Variants in NBAS observed in about 807,000 individuals in gnomAD.
The protein encoded by NBAS is NAG/BC035112 fusion.
In NBAS, 219 loss-of-function variants were observed where a neutral mutation model predicts 302.5. That is an observed-to-expected ratio of 0.72 (90% CI 0.65 to 0.81). The LOEUF (loss-of-function observed/expected upper bound fraction) is 0.81. NBAS is among the 30% of genes least tolerant of loss of function. NBAS has a pLI of 0.00. For synonymous variants in NBAS, 1,118 were observed against 1,021.6 expected, an observed-to-expected ratio of 1.09 and a Z score of -1.80; for missense variants, 2,932 against 2,841.6, an observed-to-expected ratio of 1.03 and a Z score of -0.72.
the NBAS span, among the ~76,000 whole-genome samples, chr2:15,157,396 CAGA>C: frequency 6.6e-6 from 1 of 152,168 alleles, no homozygotes; most frequent in South Asian, 2.1e-4. Flanking sequence ...CCCTCCAGAG[CAGA>C]AGAATTCTCA....
chr2:15,025,513 G>A, the NBAS span, among the ~76,000 whole-genome samples: 1 of 152,262 alleles, frequency 6.6e-6, no homozygotes, highest in South Asian at 2.1e-4. Context: ...GTCATTGGTA[G>A]TTCGATAGGA....
At chr2:15,465,378 T>G (rs1422570143) in intron 19 of NBAS, among the ~76,000 whole-genome samples, 1 of 152,178 alleles carries the variant, frequency 6.6e-6, no homozygotes, top group Non-Finnish European at 1.5e-5. Flanking sequence ...TCTTCTTCAT[T>G]ATGTTTCCTC....
the NBAS span, among the ~76,000 whole-genome samples, chr2:14,844,696 C>G: frequency 1.3e-5 from 2 of 152,084 alleles, no homozygotes; most frequent in African/African-American, 4.8e-5. Flanking sequence ...AGGCCCAGAC[C>G]AGGCAGCATT....
the NBAS span, among the ~76,000 whole-genome samples, chr2:15,153,649 G>C: frequency 6.6e-6 from 1 of 152,174 alleles, no homozygotes. Context: ...TCCCATAAAG[G>C]GGCATAGGCT....
chr2:15,061,535 C>A, the NBAS span, among the ~76,000 whole-genome samples: 1 of 152,076 alleles, frequency 6.6e-6, no homozygotes, highest in Non-Finnish European at 1.5e-5. Flanking sequence ...GAAATGAAGC[C>A]CATTTGAGCT....
At chr2:14,896,644 CTG>C in the NBAS span, among the ~76,000 whole-genome samples, 5 of 152,102 alleles carry the variant, frequency 3.3e-5, no homozygotes, top group Non-Finnish European at 5.9e-5. Flanking sequence ...GGAGCACTGA[CTG>C]TACATCAGTA....
chr2:15,171,761 G>A (rs7559153), intron 51 of NBAS, among the ~76,000 whole-genome samples: 46,021 of 151,976 alleles, frequency 0.3, 7,564 homozygotes, highest in African/African-American at 0.44. Flanking sequence ...GTAAAATGAG[G>A]TCATCAGGAT....
At chr2:15,059,229 G>T in the NBAS span, among the ~76,000 whole-genome samples, 83 of 152,328 alleles carry the variant, frequency 5.4e-4, no homozygotes, top group African/African-American at 2.0e-3. Context: ...CACAAATTTA[G>T]GGAAATTGTT....
rs955125308 is a variant in NBAS at position 15,244,656 on chromosome 2, A to G, written c.5725-5970T>C. 5.9e-5 allele frequency among the ~76,000 whole-genome samples: 9 copies of G among 152,188 alleles called. 1 individual carries two copies. The South Asian group carries it at 1.9e-3, about 32-fold the overall frequency. On this transcript the variant is annotated intron_variant, in intron 44 of 51. Coordinates refer to ENST00000281513, the MANE Select transcript of NBAS (RefSeq NM_015909.4). ...GGCAGAGGATTTGTCCATTTGGTTCACAGTCTGGATCACAGCTGGACCTGA... is the reference window on the plus strand; with the variant it reads ...GGCAGAGGATTTGTCCATTTGGTTCGCAGTCTGGATCACAGCTGGACCTGA...
chr2:15,474,718 G>A (rs1277952633), intron 14 of NBAS, among the ~76,000 whole-genome samples: 2 of 151,976 alleles, frequency 1.3e-5, no homozygotes, highest in East Asian at 1.9e-4. Flanking sequence ...CCGCCACCAC[G>A]CCCAGCCAAT....
intron 35 of NBAS, among the ~76,000 whole-genome samples, chr2:15,343,679 T>G (rs1192770990): frequency 6.6e-6 from 1 of 151,972 alleles, no homozygotes; most frequent in Non-Finnish European, 1.5e-5. Flanking sequence ...AGTCTATACT[T>G]ATTTCAAAAA....
chr2:15,340,669 T>G (rs1452691130), intron 35 of NBAS, among the ~76,000 whole-genome samples: 1 of 151,982 alleles, frequency 6.6e-6, no homozygotes, highest in African/African-American at 2.4e-5. Context: ...AAGGAATGAG[T>G]GTAGACAGAG....
intron 44 of NBAS, among the ~76,000 whole-genome samples, chr2:15,260,025 G>A (rs1668777369): frequency 6.6e-6 from 1 of 152,190 alleles, no homozygotes; most frequent in Non-Finnish European, 1.5e-5. Flanking sequence ...GACAGCTGTA[G>A]ATGTGTTCTT....
At chr2:15,314,621 G>A (rs958580160) in intron 38 of NBAS, among the ~76,000 whole-genome samples, 20 of 152,108 alleles carry the variant, frequency 1.3e-4, no homozygotes, top group African/African-American at 4.8e-4. Flanking sequence ...AAGAATTCTG[G>A]CGGTCCCTTA....
At chr2:14,806,238 C>G in the NBAS span, among the ~76,000 whole-genome samples, 5 of 152,116 alleles carry the variant, frequency 3.3e-5, no homozygotes, top group African/African-American at 1.2e-4. Flanking sequence ...AACCACCACC[C>G]TAGATTTCCA....
chr2:15,557,560 ATAAT>A (rs1216687989), intron 2 of NBAS, among the ~76,000 whole-genome samples: 2 of 152,252 alleles, frequency 1.3e-5, no homozygotes, highest in Non-Finnish European at 2.9e-5. Context: ...AAAATTAACT[ATAAT>A]TAACTGTAAT....
chr2:15,191,325 G>A (rs1665344816), intron 48 of NBAS, among the ~76,000 whole-genome samples: 1 of 152,040 alleles, frequency 6.6e-6, no homozygotes, highest in South Asian at 2.1e-4. Flanking sequence ...GGTCATTCTG[G>A]CTCTGATCCC....
the NBAS span, among the ~76,000 whole-genome samples, chr2:14,910,460 T>C: frequency 6.6e-6 from 1 of 152,242 alleles, no homozygotes; most frequent in Non-Finnish European, 1.5e-5. Context: ...AGTTTCTTTT[T>C]CAGCGTCAAC....
the NBAS span, among the ~76,000 whole-genome samples, chr2:15,135,504 C>T: frequency 1.3e-5 from 2 of 152,106 alleles, no homozygotes; most frequent in Non-Finnish European, 2.9e-5. Flanking sequence ...AAAACAGAGG[C>T]CTTTCCCGCC....
Sources: allele counts gnomAD v4.1 joint callset (sites outside exome capture counted in the v4.1 genomes callset), GRCh38; gene constraint gnomAD v4.1.1; transcripts MANE v1.5; gene names NCBI Gene and HGNC (gene_info 2026-07-23, HGNC 2026-07-21).